TG: variants seen among roughly 807,000 people sequenced by gnomAD.
The protein encoded by TG is thyroglobulin, also known as thyroid hormones.
Under a neutral mutation model 324.7 loss-of-function variants are expected in TG, and 270 were observed. That is an observed-to-expected ratio of 0.83 (90% CI 0.75 to 0.92). TG has a LOEUF of 0.92. Among genes scored for constraint, TG ranks in the 40% least tolerant of loss-of-function variants. TG has a pLI of 0.00. For missense variants in TG, 3,591 were observed against 3,456.4 expected (o/e 1.04, Z -0.98); for synonymous variants, 1,401 against 1,327.0 (o/e 1.06, Z -1.21).
intron 22 of TG, among the ~76,000 whole-genome samples, chr8:132,925,516 CGT>C (rs139966752): frequency 0.022 from 3,234 of 144,660 alleles, 42 homozygotes; most frequent in Non-Finnish European, 0.033. Context: ...CTAAGGAGTG[CGT>C]GTGTGTGTGT....
intron 11 of TG, among the ~76,000 whole-genome samples, chr8:132,895,407 T>G (rs1816949348): frequency 6.6e-6 from 1 of 152,224 alleles, no homozygotes. Context: ...GTGATCTTTG[T>G]TCTCCTAATA....
At chr8:133,103,860 T>C (rs1046783824) in intron 43 of TG, among the ~76,000 whole-genome samples, 2 of 152,194 alleles carry the variant, frequency 1.3e-5, no homozygotes, top group African/African-American at 2.4e-5. Context: ...CCTAAACAGA[T>C]AAAGCTTCTG....
chr8:132,894,007 T>A lies in TG; in HGVS notation c.3001+78T>A, dbSNP rs544576762. 49 of 1,607,338 alleles carry A rather than the reference T, an allele frequency of 3.0e-5. No homozygotes were observed. The African/African-American group carries it at 5.2e-4, about 17-fold the overall frequency. The stretch of plus-strand genomic sequence containing the variant: ...GCTTAAATTCGTCTCTCCTCAGTCA[T>A]CCTTAGGACTTTGTGGTTTGGCTTC... On this transcript the variant is annotated intron_variant, in intron 11 of 47. Coordinates refer to ENST00000220616, the MANE Select transcript of TG (RefSeq NM_003235.5).
intron 18 of TG, among the ~76,000 whole-genome samples, chr8:132,910,764 G>A (rs2687829): frequency 0.41 from 62,490 of 152,100 alleles, 15,632 homozygotes; most frequent in Admixed American, 0.54. Context: ...GTGGTATTTC[G>A]TAATGTTCAT....
chr8:132,948,538 G>A (rs1160761972), intron 26 of TG, among the ~76,000 whole-genome samples: 2 of 152,188 alleles, frequency 1.3e-5, no homozygotes, highest in Non-Finnish European at 2.9e-5. Flanking sequence ...CATAGGGAGG[G>A]AAAGGATCAG....
At chr8:132,939,927 T>C (rs996534856) in intron 25 of TG, among the ~76,000 whole-genome samples, 2 of 152,260 alleles carry the variant, frequency 1.3e-5, no homozygotes, top group East Asian at 3.9e-4. Flanking sequence ...ACACCCACCT[T>C]GGCCTCCCAA....
intron 41 of TG, among the ~76,000 whole-genome samples, chr8:133,069,524 C>A (rs1459993048): frequency 6.6e-6 from 1 of 152,168 alleles, no homozygotes; most frequent in East Asian, 1.9e-4. Context: ...CTCCTTAGCT[C>A]CTCAGGAAAG....
chr8:132,948,179 T>TTCC (rs1554677150), intron 26 of TG, among the ~76,000 whole-genome samples: 1 of 151,132 alleles, frequency 6.6e-6, no homozygotes, highest in African/African-American at 2.4e-5. Context: ...TCTTACTCCG[T>TTCC]CCCCCCCCAA....
intron 45 of TG, among the ~76,000 whole-genome samples, chr8:133,129,390 T>A (rs1851780480): frequency 6.6e-6 from 1 of 152,226 alleles, no homozygotes; most frequent in Non-Finnish European, 1.5e-5. Context: ...CCCAGCACCA[T>A]GCTCAGTGAT....
chr8:132,873,027 A>G (rs1839642645), intron 4 of TG, 35 bp from the exon 5 acceptor site: 1 of 1,612,826 alleles, frequency 6.2e-7, no homozygotes, highest in Admixed American at 1.7e-5. Flanking sequence ...GTGTCTACTC[A>G]TATATAAGGA....
At chr8:133,059,153 C>T (rs145491880) in intron 41 of TG, 4 of 456,244 alleles carry the variant, frequency 8.8e-6, no homozygotes, top group African/African-American at 2.0e-5. Context: ...CCGCCCAGGG[C>T]GGTGCTGCAG....
chr8:132,964,318 G>A (rs888141178), intron 29 of TG, among the ~76,000 whole-genome samples: 7 of 152,188 alleles, frequency 4.6e-5, no homozygotes, highest in Admixed American at 1.3e-4. Flanking sequence ...GAGACCTTGC[G>A]GGGAGTCAGG....
At chr8:132,874,709 C>T (rs972760638) in intron 5 of TG, among the ~76,000 whole-genome samples, 1 of 152,142 alleles carries the variant, frequency 6.6e-6, no homozygotes, top group Non-Finnish European at 1.5e-5. Context: ...GGTTGAACCC[C>T]ATGAAATTTC....
intron 43 of TG, among the ~76,000 whole-genome samples, chr8:133,100,019 CA>C (rs1402791657): frequency 6.6e-5 from 10 of 152,340 alleles, no homozygotes; most frequent in African/African-American, 2.4e-4. Context: ...TCCTCTCATG[CA>C]GAGGAAAATT....
At chr8:133,118,389 A>G (rs1034094720) in intron 45 of TG, among the ~76,000 whole-genome samples, 4 of 141,800 alleles carry the variant, frequency 2.8e-5, no homozygotes, top group African/African-American at 1.1e-4. Flanking sequence ...CAGTGGTGCA[A>G]TCTCGGCTCA....
At chr8:133,048,061 A>G (rs967264653) in intron 41 of TG, 2 of 606,368 alleles carry the variant, frequency 3.3e-6, no homozygotes, top group Non-Finnish European at 5.9e-6. Context: ...GACAGGAAGC[A>G]TCATCTCTCT....
chr8:133,057,997 T>C (rs567045153), intron 41 of TG, among the ~76,000 whole-genome samples: 1 of 152,110 alleles, frequency 6.6e-6, no homozygotes, highest in East Asian at 1.9e-4. Context: ...TAATTGCACA[T>C]TGGCCTAAAG....
chr8:133,008,003 T>G (rs1227597195), intron 35 of TG, among the ~76,000 whole-genome samples: 1 of 152,126 alleles, frequency 6.6e-6, no homozygotes, highest in Non-Finnish European at 1.5e-5. Context: ...TGTTAGAAAA[T>G]ATAAACACAT....
intron 41 of TG, among the ~76,000 whole-genome samples, chr8:133,055,824 C>CCAGCAGCAGCAGCAGCAGCAG (rs36210010): frequency 4.0e-5 from 6 of 150,782 alleles, no homozygotes; most frequent in East Asian, 2.0e-4. Flanking sequence ...CTCCTCATCA[C>CCAGCAGCAGCAGCAGCAGCAG]CAGCAGCAGC....
Sources: gnomAD v4.1 joint callset for allele counts (sites outside exome capture counted in the v4.1 genomes callset) on GRCh38, gnomAD v4.1.1 for gene constraint, MANE v1.5 for transcripts, NCBI Gene and HGNC (gene_info 2026-07-23, HGNC 2026-07-21) for gene names.